KCNJ3: variants seen among roughly 807,000 people sequenced by gnomAD.
The protein encoded by KCNJ3 is potassium inwardly rectifying channel subfamily J member 3.
KCNJ3 carries 4 observed loss-of-function variants against 39.2 expected under a neutral mutation model. The observed-to-expected ratio is 0.10, with a 90% CI of 0.05 to 0.23. The LOEUF (loss-of-function observed/expected upper bound fraction) is 0.23. KCNJ3 is among the 10% of genes least tolerant of loss of function. The probability of loss-of-function intolerance (pLI) is 1.00; values close to 1 mark genes in which losing one functional copy is unlikely to be tolerated. For missense variants in KCNJ3, 276 were observed against 634.9 expected (o/e 0.43, Z 6.08); for synonymous variants, 230 against 237.4 (o/e 0.97, Z 0.29).
chr2:154,734,700 G>A (rs568504351), intron 2 of KCNJ3, among the ~76,000 whole-genome samples: 1 of 152,240 alleles, frequency 6.6e-6, no homozygotes, highest in South Asian at 2.1e-4. Flanking sequence ...AAGAGGGTGA[G>A]GGAGGAGATG....
chr2:154,739,734 G>A (rs1355120028), intron 2 of KCNJ3, among the ~76,000 whole-genome samples: 1 of 151,998 alleles, frequency 6.6e-6, no homozygotes, highest in Non-Finnish European at 1.5e-5. Context: ...TCACAAACGG[G>A]AGTTCCCTTC....
chr2:154,798,960 T>C (rs1163367122), intron 2 of KCNJ3, among the ~76,000 whole-genome samples: 4 of 151,662 alleles, frequency 2.6e-5, no homozygotes, highest in Admixed American at 6.6e-5. Context: ...ATGTGGTATG[T>C]GTATGTGGTG....
At chr2:154,799,775 C>A (rs760412708) in intron 2 of KCNJ3, among the ~76,000 whole-genome samples, 7 of 152,122 alleles carry the variant, frequency 4.6e-5, no homozygotes, top group East Asian at 1.9e-4. Flanking sequence ...CTTAATAAAT[C>A]GAACACTTGT....
At position 154,699,029 on chromosome 2, in the gene KCNJ3, T is replaced by C; in HGVS notation, c.254T>C (p.Phe85Ser). The change falls in exon 1 of 3, where the codon TTC becomes TCC. Residue 85 changes from phenylalanine to serine, a missense_variant. This residue lies in a region of KCNJ3 where 46 missense variants were observed against 206.6 expected (regional missense o/e 0.22). Coordinates refer to ENST00000295101, the MANE Select transcript of KCNJ3 (RefSeq NM_002239.4). This position sits in a 1 kb window ranked among gnomAD's most constrained non-coding sequence, Gnocchi z 6.4. ...LVDLKWRWNL[F>S]IFILTYTVAW... ...GACCTCAAGTGGCGCTGGAACCTCT[T>C]CATCTTCATTCTCACCTACACCGTG... 1 of 1,614,230 alleles carries C rather than the reference T, an allele frequency of 6.2e-7. No individual in the cohort carries two copies. The highest frequency in any genetic ancestry group is 8.5e-7 in the Non-Finnish European group (1 of 1,180,046).
chr2:154,736,464 C>T (rs1367892424), intron 2 of KCNJ3, among the ~76,000 whole-genome samples: 1 of 148,536 alleles, frequency 6.7e-6, no homozygotes, highest in Non-Finnish European at 1.5e-5. Context: ...TGCTTGTGGC[C>T]CCCGATTTGA....
chr2:154,810,753 A>G (rs1686995806), intron 2 of KCNJ3, among the ~76,000 whole-genome samples: 1 of 152,192 alleles, frequency 6.6e-6, no homozygotes. Flanking sequence ...CTAGAAATAT[A>G]ATTGAAGTAT....
chr2:154,751,058 G>A (rs1478904477), intron 2 of KCNJ3, among the ~76,000 whole-genome samples: 1 of 151,642 alleles, frequency 6.6e-6, no homozygotes, highest in African/African-American at 2.4e-5. Context: ...TATACTTCTC[G>A]GGTGATGGGT....
intron 1 of KCNJ3, among the ~76,000 whole-genome samples, chr2:154,705,801 T>C (rs569406750): frequency 6.6e-6 from 1 of 152,252 alleles, no homozygotes; most frequent in Non-Finnish European, 1.5e-5. Context: ...AAACAAATTT[T>C]AAGCTCTAGA....
At chr2:154,790,145 G>T (rs182375787) in intron 2 of KCNJ3, among the ~76,000 whole-genome samples, 104 of 149,836 alleles carry the variant, frequency 6.9e-4, no homozygotes, top group African/African-American at 2.2e-3. Context: ...TTTTTTGACA[G>T]AAAATGTCCA....
chr2:154,780,388 G>A (rs2105202868), intron 2 of KCNJ3, among the ~76,000 whole-genome samples: 1 of 152,270 alleles, frequency 6.6e-6, no homozygotes, highest in Admixed American at 6.5e-5. Flanking sequence ...AGGTGATGGA[G>A]AACGATGCAA....
intron 2 of KCNJ3, among the ~76,000 whole-genome samples, chr2:154,745,320 A>G (rs1185678037): frequency 6.6e-6 from 1 of 151,938 alleles, no homozygotes; most frequent in Non-Finnish European, 1.5e-5. Context: ...ACAGGTGCAA[A>G]AGTCTTTAAC....
chr2:154,831,576 A>T (rs570866847), intron 2 of KCNJ3, among the ~76,000 whole-genome samples: 1 of 152,292 alleles, frequency 6.6e-6, no homozygotes, highest in East Asian at 1.9e-4. Flanking sequence ...AATGGGCCAC[A>T]TGTATGGATG....
At chr2:154,764,139 C>A (rs1021917227) in intron 2 of KCNJ3, among the ~76,000 whole-genome samples, 1 of 152,168 alleles carries the variant, frequency 6.6e-6, no homozygotes, top group East Asian at 1.9e-4. Flanking sequence ...TTCTTAAGCA[C>A]GAAAAGTGCT....
intron 2 of KCNJ3, among the ~76,000 whole-genome samples, chr2:154,783,799 A>G (rs1290541628): frequency 6.6e-6 from 1 of 152,192 alleles, no homozygotes; most frequent in Non-Finnish European, 1.5e-5. Flanking sequence ...CTCAATGGCA[A>G]CTGTTTCCAT....
intron 2 of KCNJ3, among the ~76,000 whole-genome samples, chr2:154,726,182 CA>C (rs1259171399): frequency 6.6e-6 from 1 of 152,070 alleles, no homozygotes; most frequent in Non-Finnish European, 1.5e-5. Flanking sequence ...AGACAAGTCA[CA>C]GAGTGGGAGG....
chr2:154,748,602 AAAAT>A (rs746557890), intron 2 of KCNJ3, among the ~76,000 whole-genome samples: 2 of 152,052 alleles, frequency 1.3e-5, no homozygotes, highest in African/African-American at 2.4e-5. Flanking sequence ...TATCTAGTTT[AAAAT>A]AAATATGAGT....
chr2:154,753,546 G>A (rs1303860582), intron 2 of KCNJ3, among the ~76,000 whole-genome samples: 1 of 152,010 alleles, frequency 6.6e-6, no homozygotes, highest in African/African-American at 2.4e-5. Context: ...CATGCTTACT[G>A]TGTTTTATGT....
chr2:154,734,459 G>C (rs1213497389), intron 2 of KCNJ3, among the ~76,000 whole-genome samples: 1 of 152,186 alleles, frequency 6.6e-6, no homozygotes, highest in Non-Finnish European at 1.5e-5. Context: ...CAGTGAATTA[G>C]TGAAGTATCA....
At chr2:154,708,453 C>T (rs1335064485) in intron 1 of KCNJ3, among the ~76,000 whole-genome samples, 1 of 152,088 alleles carries the variant, frequency 6.6e-6, no homozygotes, top group Non-Finnish European at 1.5e-5. Context: ...ATTGGGCAGA[C>T]CAGTCTTACA....
Sources: gnomAD v4.1 joint callset for allele counts (sites outside exome capture counted in the v4.1 genomes callset) on GRCh38, gnomAD v4.1.1 for gene constraint, gnomAD v4.1.1 regional missense constraint, Gnocchi (gnomAD v3.1) non-coding constraint, MANE v1.5 for transcripts, NCBI Gene and HGNC (gene_info 2026-07-23, HGNC 2026-07-21) for gene names.